NAALADL2: variants seen among roughly 807,000 people sequenced by gnomAD.
The protein encoded by NAALADL2 is N-acetylated alpha-linked acidic dipeptidase like 2, also known as inactive N-acetylated-alpha-linked acidic dipeptidase-like protein 2.
In NAALADL2, 76 loss-of-function variants were observed where a neutral mutation model predicts 87.2. That is an observed-to-expected ratio of 0.87 (90% CI 0.72 to 1.05). The LOEUF (loss-of-function observed/expected upper bound fraction) is 1.05, where lower values mean the gene tolerates loss of function less well. Among genes scored for constraint, NAALADL2 ranks in the 50% least tolerant of loss-of-function variants. The probability of loss-of-function intolerance (pLI) is 0.00; values close to 1 mark genes in which losing one functional copy is unlikely to be tolerated. For missense variants in NAALADL2, 1,089 were observed against 945.8 expected (o/e 1.15, Z -1.99); for synonymous variants, 354 against 331.0 (o/e 1.07, Z -0.75).
chr3:174,565,230 A>G (rs1309106275), intron 2 of NAALADL2, among the ~76,000 whole-genome samples: 2 of 152,056 alleles, frequency 1.3e-5, no homozygotes, highest in East Asian at 1.9e-4. Flanking sequence ...TGTACATTCT[A>G]TGGGTTTTGA....
intron 11 of NAALADL2, among the ~76,000 whole-genome samples, chr3:175,672,463 T>A (rs911221938): frequency 6.6e-5 from 10 of 152,194 alleles, no homozygotes; most frequent in African/African-American, 2.4e-4. Flanking sequence ...CTGCTTATAC[T>A]TGGCAGCTGG....
intron 2 of NAALADL2, among the ~76,000 whole-genome samples, chr3:174,579,497 G>T (rs1715920958): frequency 6.6e-6 from 1 of 151,982 alleles, no homozygotes; most frequent in South Asian, 2.1e-4. Flanking sequence ...TGAAATTATA[G>T]AATGTGCAGA....
intron 1 of NAALADL2, among the ~76,000 whole-genome samples, chr3:175,006,681 G>C (rs1193509456): frequency 1.3e-5 from 2 of 151,486 alleles, no homozygotes; most frequent in Non-Finnish European, 2.9e-5. Context: ...TAAGTGTATA[G>C]GGCCCTTGAG....
intron 2 of NAALADL2, among the ~76,000 whole-genome samples, chr3:175,116,009 G>C (rs1725078047): frequency 6.6e-6 from 1 of 151,898 alleles, no homozygotes; most frequent in Admixed American, 6.6e-5. Flanking sequence ...ACTAGATGCA[G>C]AAAAGGCCTT....
In NAALADL2 at chr3:174,882,352, C is replaced by A. The variant is rs541353719; in HGVS notation, c.43+22902C>A. The stretch of plus-strand genomic sequence containing the variant: ...GCCATGAAACAATTAGAAAAGGACA[C>A]AAAATAGTTAACTTGATATATTAGG... On this transcript the variant is annotated intron_variant, in intron 1 of 13. Coordinates refer to ENST00000454872, the MANE Select transcript of NAALADL2 (RefSeq NM_207015.3). 5.3e-5 allele frequency among the ~76,000 whole-genome samples: 8 copies of A among 151,470 alleles called. No homozygotes were observed. The South Asian group carries it at 1.7e-3, about 32-fold the overall frequency.
At chr3:174,836,365 C>T (rs1012403364) in intron 3 of NAALADL2, among the ~76,000 whole-genome samples, 1 of 151,990 alleles carries the variant, frequency 6.6e-6, no homozygotes, top group African/African-American at 2.4e-5. Flanking sequence ...ATGGGTATAG[C>T]GTTTCAGTTT....
chr3:175,677,485 GT>G (rs1734972775), intron 11 of NAALADL2, among the ~76,000 whole-genome samples: 1 of 139,542 alleles, frequency 7.2e-6, no homozygotes, highest in Non-Finnish European at 1.5e-5. Context: ...TGGGGTGTGT[GT>G]GTGTGTGTGT....
At chr3:175,246,850 A>G (rs2109707308) in intron 3 of NAALADL2, among the ~76,000 whole-genome samples, 1 of 152,216 alleles carries the variant, frequency 6.6e-6, no homozygotes, top group East Asian at 1.9e-4. Context: ...ATTAGGGAAA[A>G]GCAAGAGAAA....
At chr3:174,452,443 G>C (rs1335533222) in intron 1 of NAALADL2, among the ~76,000 whole-genome samples, 2 of 152,134 alleles carry the variant, frequency 1.3e-5, no homozygotes, top group Non-Finnish European at 2.9e-5. Context: ...CATTGCTGCT[G>C]CTTCTGGTAT....
At chr3:174,787,812 T>C (rs1204116156) in intron 3 of NAALADL2, among the ~76,000 whole-genome samples, 3 of 151,390 alleles carry the variant, frequency 2.0e-5, no homozygotes, top group Non-Finnish European at 4.4e-5. Flanking sequence ...TAGTAACTTT[T>C]ATACCTTTTA....
intron 2 of NAALADL2, among the ~76,000 whole-genome samples, chr3:175,149,560 A>G (rs532387697): frequency 6.6e-6 from 1 of 151,968 alleles, no homozygotes; most frequent in East Asian, 1.9e-4. Context: ...TTTTCTTCTT[A>G]TTTATACAAA....
At chr3:175,174,302 A>G (rs1421716681) in intron 2 of NAALADL2, among the ~76,000 whole-genome samples, 1 of 152,142 alleles carries the variant, frequency 6.6e-6, no homozygotes, top group Admixed American at 6.6e-5. Flanking sequence ...ATTGCCAACT[A>G]AGCGGCTTTT....
intron 5 of NAALADL2, among the ~76,000 whole-genome samples, chr3:175,429,977 T>TGGTA (rs570336341): frequency 5.9e-4 from 90 of 152,084 alleles, no homozygotes; most frequent in African/African-American, 2.2e-3. Flanking sequence ...GAGTGCCTCT[T>TGGTA]GGTAGTACAG....
At chr3:175,695,457 C>T (rs985962399) in intron 11 of NAALADL2, among the ~76,000 whole-genome samples, 6 of 151,550 alleles carry the variant, frequency 4.0e-5, no homozygotes, top group Non-Finnish European at 7.4e-5. Flanking sequence ...ATTTTTCCAA[C>T]GTCTGTTGTA....
chr3:175,143,894 T>C (rs7651836), intron 2 of NAALADL2, among the ~76,000 whole-genome samples: 44,419 of 151,624 alleles, frequency 0.29, 6,603 homozygotes, highest in Middle Eastern at 0.38. Context: ...GTGTTCCCTC[T>C]ACTTCACTAT....
chr3:174,578,050 C>T (rs539238472), intron 2 of NAALADL2, among the ~76,000 whole-genome samples: 35 of 151,446 alleles, frequency 2.3e-4, no homozygotes, highest in African/African-American at 7.3e-4. Flanking sequence ...TTAATGAAGG[C>T]GAAGAGAAAT....
chr3:174,721,873 A>T (rs1467401019), intron 2 of NAALADL2, among the ~76,000 whole-genome samples: 1 of 152,184 alleles, frequency 6.6e-6, no homozygotes, highest in Non-Finnish European at 1.5e-5. Flanking sequence ...GCCATCAGTA[A>T]GCAAGACTGA....
Position 175,580,678 on chromosome 3 carries a change from T to G in NAALADL2, c.1800+4491T>G, listed in dbSNP as rs76666401. Among the ~76,000 whole-genome samples, 472 of 152,300 alleles carry G rather than the reference T, an allele frequency of 3.1e-3. 3 individuals are homozygous for G. Among genetic ancestry groups the G allele is most frequent in the Middle Eastern group, 0.017 (5 of 294 alleles). ...AAATTTTACCTTTTCTACTTCAAAG[T>G]GTGCCAGTTGTAAACAAGATGAAAA... On this transcript the variant is annotated intron_variant, in intron 10 of 13. Coordinates refer to ENST00000454872, the MANE Select transcript of NAALADL2 (RefSeq NM_207015.3).
chr3:174,819,051 A>ATTTTTTTTTTTTTTTT (rs1560255249), intron 3 of NAALADL2, among the ~76,000 whole-genome samples: 1 of 85,912 alleles, frequency 1.2e-5, no homozygotes, highest in African/African-American at 3.8e-5. Flanking sequence ...TTATTATACC[A>ATTTTTTTTTTTTTTTT]TTTATTCTTT....
Sources: allele counts gnomAD v4.1 joint callset (sites outside exome capture counted in the v4.1 genomes callset), GRCh38; gene constraint gnomAD v4.1.1; transcripts MANE v1.5; gene names NCBI Gene and HGNC (gene_info 2026-07-23, HGNC 2026-07-21).